CYP20A1: variants seen among roughly 807,000 people sequenced by gnomAD.
CYP20A1 encodes cytochrome P450 20A1.
CYP20A1 carries 61 observed loss-of-function variants against 61.4 expected under a neutral mutation model. The ratio of observed to expected loss-of-function variants is 0.99; its 90% CI spans 0.81 to 1.23. The LOEUF is 1.23. Among genes scored for constraint, CYP20A1 ranks in the 50% most tolerant of loss-of-function variants. CYP20A1 has a pLI of 0.00. For missense variants in CYP20A1, 530 were observed against 542.4 expected (o/e 0.98, Z 0.23); for synonymous variants, 193 against 188.2 (o/e 1.03, Z -0.21).
rs1035909251 is a variant in CYP20A1 at position 203,302,045 on chromosome 2, C to T, written c.*5137C>T. Among the ~76,000 whole-genome samples the T allele has an allele frequency of 6.6e-6, 1 of 151,862 alleles. No homozygotes were observed. Among genetic ancestry groups the T allele is most frequent in the African/African-American group, 2.4e-5 (1 of 41,388 alleles). On this transcript the variant is annotated 3_prime_UTR_variant, in exon 13 of 13. Transcript: ENST00000356079. ...GGTTCAAGTGATCCTCCCGCCTCAG[C>T]CTCCCAAGTAGCTGGGATTGCAAAC...
In CYP20A1 at chr2:203,301,731, T is replaced by G. The variant is rs781132040; in HGVS notation, c.*4823T>G. Among the ~76,000 whole-genome samples the G allele has an allele frequency of 6.6e-6, 1 of 152,136 alleles. No individual in the cohort carries two copies. The highest frequency in any genetic ancestry group is 1.5e-5 in the Non-Finnish European group (1 of 68,036). ...AGTTCCATTTTTTATATAAATAGATTCTACCTAACTTATAACCCCTATGTC... is the reference window on the plus strand; with the variant it reads ...AGTTCCATTTTTTATATAAATAGATGCTACCTAACTTATAACCCCTATGTC... On this transcript the variant is annotated 3_prime_UTR_variant, in exon 13 of 13. Transcript: ENST00000356079.
At position 203,239,060 on chromosome 2, in the gene CYP20A1, A is replaced by C. The variant is rs1559080302; in HGVS notation, c.-3A>C. Reference sequence around the variant, plus strand: ...GAGACGTGGCTCCCTGGGCGGCAGAACCATGTTGGACTTCGCGATCTTCGC... The same window carrying C: ...GAGACGTGGCTCCCTGGGCGGCAGACCCATGTTGGACTTCGCGATCTTCGC... On this transcript the variant is annotated 5_prime_UTR_variant, in exon 1 of 13. Transcript: ENST00000356079. 1.9e-6 allele frequency: 3 copies of C among 1,613,496 alleles called. No individual in the cohort carries two copies. The highest frequency in any genetic ancestry group is 2.5e-6 in the Non-Finnish European group (3 of 1,179,700).
rs2069023708 is a variant in CYP20A1, at chr2:203,301,569, T to C, written c.*4661T>C. ...TGCAGGTGTGAGCCACGGCACCTGG[T>C]CCATAAAACATTTTTTTATGAACTA... On this transcript the variant is annotated 3_prime_UTR_variant, in exon 13 of 13. Transcript: ENST00000356079. Among the ~76,000 whole-genome samples the C allele has an allele frequency of 6.6e-6, 1 of 152,056 alleles. No homozygotes were observed. The highest frequency in any genetic ancestry group is 2.4e-5 in the African/African-American group (1 of 41,426).
At chr2:203,264,932 C>T (rs1460440589) in intron 4 of CYP20A1, among the ~76,000 whole-genome samples, 2 of 151,878 alleles carry the variant, frequency 1.3e-5, no homozygotes, top group Non-Finnish European at 1.5e-5. Context: ...GGTTTCACCA[C>T]GTTAGCCAGG....
chr2:203,241,806 A>G (rs1458753025), intron 1 of CYP20A1, among the ~76,000 whole-genome samples: 1 of 152,168 alleles, frequency 6.6e-6, no homozygotes, highest in Non-Finnish European at 1.5e-5. Flanking sequence ...CTGGGACTAC[A>G]TGCTCATGCC....
intron 1 of CYP20A1, among the ~76,000 whole-genome samples, chr2:203,245,031 CTT>C (rs1191004801): frequency 2.7e-4 from 31 of 115,108 alleles, no homozygotes; most frequent in East Asian, 2.6e-4. Context: ...CACGCCCAGC[CTT>C]TTTTTTTTTT....
Position 203,245,848 on chromosome 2 carries a change from T to C in CYP20A1, c.75T>C (p.Ala25=). 6.3e-7 allele frequency: 1 copy of C among 1,599,718 alleles called. No individual in the cohort carries two copies. The highest frequency in any genetic ancestry group is 8.5e-7 in the Non-Finnish European group (1 of 1,170,064). The change falls in exon 2 of 13, where the codon GCT becomes GCC. Residue 25 remains alanine, a splice_region_variant and synonymous_variant. Coordinates refer to ENST00000356079, the MANE Select transcript of CYP20A1 (RefSeq NM_177538.3). ...LVGAVLYLYP[A]SRQAAGIPGI... ...ATTATAAACTTTTTTTTTGTAAGGC[T>C]TCCAGACAAGCTGCAGGAATTCCAG...
chr2:203,283,568 G>C (rs1055138985), intron 8 of CYP20A1, among the ~76,000 whole-genome samples: 1 of 76,468 alleles, frequency 1.3e-5, no homozygotes, highest in Non-Finnish European at 2.7e-5. Context: ...TTTTTTTTTT[G>C]AGACTGAGTC....
intron 3 of CYP20A1, among the ~76,000 whole-genome samples, chr2:203,249,823 T>A (rs1344624963): frequency 6.6e-6 from 1 of 152,044 alleles, no homozygotes; most frequent in Non-Finnish European, 1.5e-5. Flanking sequence ...CCAACCTGGA[T>A]GACAGATCGA....
chr2:203,243,797 C>T (rs1360650802), intron 1 of CYP20A1, among the ~76,000 whole-genome samples: 1 of 150,540 alleles, frequency 6.6e-6, no homozygotes, highest in South Asian at 2.1e-4. Context: ...TCAAGTGATC[C>T]TCCTGCCTCA....
chr2:203,240,278 A>C (rs1277057285), intron 1 of CYP20A1, among the ~76,000 whole-genome samples: 1 of 152,202 alleles, frequency 6.6e-6, no homozygotes, highest in African/African-American at 2.4e-5. Context: ...GACTTCCTGA[A>C]ATCTTATTTT....
Position 203,274,679 on chromosome 2 carries a change from A to G in CYP20A1, c.679+1931A>G, listed in dbSNP as rs1386954687. On this transcript the variant is annotated intron_variant, in intron 6 of 12. Transcript: ENST00000356079. ...GGCCCTATTCTGTGCACAGGAGACA[A>G]AAATCCCTGTCCTCATTAGCTTACT... 3.3e-5 allele frequency among the ~76,000 whole-genome samples: 5 copies of G among 152,210 alleles called. No homozygotes were observed. In the South Asian group the frequency reaches 8.3e-4, roughly 25 times the overall value.
chr2:203,278,873 A>G (rs1034608033), intron 7 of CYP20A1, among the ~76,000 whole-genome samples, 185 bp downstream of exon 7: 2 of 152,184 alleles, frequency 1.3e-5, no homozygotes, highest in Non-Finnish European at 2.9e-5. Flanking sequence ...AATCACACAT[A>G]TATACAGTGT....
intron 1 of CYP20A1, 128 bp downstream of exon 1, chr2:203,239,262 A>G (rs1490162936): frequency 3.9e-6 from 3 of 778,790 alleles, no homozygotes; most frequent in African/African-American, 1.7e-5. Flanking sequence ...GGTTCGCTCC[A>G]GAGCTTCAGC....
chr2:203,256,677 A>G lies in CYP20A1; in HGVS notation c.432+4568A>G, dbSNP rs990327001. 4.8e-4 allele frequency among the ~76,000 whole-genome samples: 73 copies of G among 152,068 alleles called. 1 individual carries two copies. Among genetic ancestry groups the G allele is most frequent in the Non-Finnish European group, 1.2e-4 (8 of 68,016 alleles). ...CCCACCAGTAATTCTATTTTTTGTA[A>G]TCCTTTGAGTGTCTGTCTCCCTCAC... On this transcript the variant is annotated intron_variant, in intron 4 of 12. Transcript: ENST00000356079.
At chr2:203,294,887 T>C (rs971518264) in intron 11 of CYP20A1, among the ~76,000 whole-genome samples, 5 of 149,908 alleles carry the variant, frequency 3.3e-5, no homozygotes, top group African/African-American at 1.2e-4. Context: ...CTGCCTCTGC[T>C]TCCCAAAGTG....
At chr2:203,287,635 G>C (rs937542654) in intron 9 of CYP20A1, among the ~76,000 whole-genome samples, 2 of 152,146 alleles carry the variant, frequency 1.3e-5, no homozygotes, top group Non-Finnish European at 2.9e-5. Flanking sequence ...GGGCCTGGGA[G>C]GTTGAGGCTG....
chr2:203,295,160 T>C (rs2068735198), intron 11 of CYP20A1, among the ~76,000 whole-genome samples: 1 of 150,906 alleles, frequency 6.6e-6, no homozygotes, highest in South Asian at 2.1e-4. Context: ...GGTTTCACCG[T>C]GGTCTCAATC....
intron 8 of CYP20A1, among the ~76,000 whole-genome samples, chr2:203,284,814 C>T (rs2152101711): frequency 6.8e-6 from 1 of 146,080 alleles, no homozygotes; most frequent in East Asian, 2.1e-4. Flanking sequence ...GGCACGGTCA[C>T]AGCTCACTGC....
Sources: allele counts gnomAD v4.1 joint callset (sites outside exome capture counted in the v4.1 genomes callset), GRCh38; gene constraint gnomAD v4.1.1; transcripts MANE v1.5; gene names NCBI Gene and HGNC (gene_info 2026-07-23, HGNC 2026-07-21).